Variants in DCAF8 observed in about 807,000 individuals in gnomAD.
DCAF8 encodes the protein DDB1 and CUL4 associated factor 8, also known as DDB1- and CUL4-associated factor 8.
In DCAF8, 20 loss-of-function variants were observed where a neutral mutation model predicts 68.0. The ratio of observed to expected loss-of-function variants is 0.29; its 90% CI spans 0.21 to 0.43. The LOEUF is 0.43. DCAF8 is among the 20% of genes least tolerant of loss of function. DCAF8 has a pLI of 1.00. For missense variants in DCAF8, 460 were observed against 771.0 expected, an observed-to-expected ratio of 0.60 and a Z score of 4.78; for synonymous variants, 230 against 276.9, an observed-to-expected ratio of 0.83 and a Z score of 1.68.
At chr1:160,244,710 C>T (rs1294840802) in intron 2 of DCAF8, among the ~76,000 whole-genome samples, 1 of 151,888 alleles carries the variant, frequency 6.6e-6, no homozygotes. Context: ...CTCTGCCTCC[C>T]GGGTTCACAC....
At chr1:160,249,182 T>G (rs933160005) in intron 2 of DCAF8, among the ~76,000 whole-genome samples, 1 of 152,042 alleles carries the variant, frequency 6.6e-6, no homozygotes, top group Non-Finnish European at 1.5e-5. Flanking sequence ...CAGAGGAGAC[T>G]CCATCTCAAA....
intron 10 of DCAF8, among the ~76,000 whole-genome samples, chr1:160,223,200 A>G (rs1246234750): frequency 6.6e-6 from 1 of 152,218 alleles, no homozygotes. Context: ...TGATGAAGGT[A>G]TATGCCACAA....
intron 4 of DCAF8, chr1:160,239,247 T>C (rs1685237483): frequency 9.0e-7 from 1 of 1,114,934 alleles, no homozygotes; most frequent in Non-Finnish European, 1.1e-6. Flanking sequence ...GTTTATTAAG[T>C]ACCAGTCACA....
intron 2 of DCAF8, among the ~76,000 whole-genome samples, chr1:160,251,604 C>G (rs1003022693): frequency 3.3e-5 from 5 of 152,122 alleles, no homozygotes; most frequent in Admixed American, 3.3e-4. Flanking sequence ...CCTCCAGTAG[C>G]TGGGACTACA....
At chr1:160,246,154 T>TA (rs547230058) in intron 2 of DCAF8, among the ~76,000 whole-genome samples, 1 of 151,124 alleles carries the variant, frequency 6.6e-6, no homozygotes, top group Non-Finnish European at 1.5e-5. Flanking sequence ...AAAAAAAAAT[T>TA]AAAAAAAACT....
intron 2 of DCAF8, among the ~76,000 whole-genome samples, chr1:160,250,859 A>T (rs921009330): frequency 7.9e-5 from 12 of 152,022 alleles, no homozygotes; most frequent in East Asian, 3.9e-4. Flanking sequence ...TATTTTTTTT[A>T]AATTTCTCTG....
chr1:160,253,075 G>C lies in DCAF8; in HGVS notation c.-27+8210C>G, dbSNP rs533819069. ...ACAATTAGTTACCTAAGAAGGCTCT[G>C]GGAGAGGATGTTCAAGGGAAGAATC... is the stretch of plus-strand genomic sequence containing the variant. On this transcript the variant is annotated intron_variant, in intron 2 of 13. Coordinates refer to ENST00000368074, the MANE Select transcript of DCAF8 (RefSeq NM_015726.4). Among the ~76,000 whole-genome samples, 5 of 152,316 alleles carry C rather than the reference G, an allele frequency of 3.3e-5. No homozygotes were observed. In the South Asian group the frequency reaches 1.0e-3, roughly 32 times the overall value.
Position 160,262,442 on chromosome 1 carries a change from A to G in DCAF8, c.-101+7T>C, listed in dbSNP as rs925547115. 6.5e-5 allele frequency: 26 copies of G among 401,350 alleles called. No homozygotes were observed. The highest frequency in any genetic ancestry group is 6.3e-4 in the Middle Eastern group (1 of 1,598). 24.9% of individuals were successfully genotyped at this position (401,350 alleles called of 1,614,324 possible). On this transcript the variant is annotated splice_region_variant and intron_variant, in intron 1 of 13. Coordinates refer to ENST00000368074, the MANE Select transcript of DCAF8 (RefSeq NM_015726.4). Reference sequence around the variant, plus strand: ...CACTGCCACCACCAACGCCGCCGCCATCTTACACTGGCCAGCGGCCGCCAC... The same window carrying G: ...CACTGCCACCACCAACGCCGCCGCCGTCTTACACTGGCCAGCGGCCGCCAC...
intron 2 of DCAF8, among the ~76,000 whole-genome samples, chr1:160,252,811 A>C (rs1179468418): frequency 6.6e-6 from 1 of 152,234 alleles, no homozygotes; most frequent in Non-Finnish European, 1.5e-5. Context: ...GTTAAGAAGG[A>C]CAAGTTCTTA....
chr1:160,259,867 T>C (rs1346797662), intron 2 of DCAF8, among the ~76,000 whole-genome samples: 1 of 152,148 alleles, frequency 6.6e-6, no homozygotes, highest in Non-Finnish European at 1.5e-5. Flanking sequence ...GAAATATACA[T>C]ACACCAATAT....
chr1:160,239,104 A>T, intron 4 of DCAF8: 1 of 964,082 alleles, frequency 1.0e-6, no homozygotes, highest in Non-Finnish European at 1.3e-6. Context: ...ACAAAGAAAA[A>T]GGAAAATAGG....
At chr1:160,246,092 C>T (rs1489681491) in intron 2 of DCAF8, among the ~76,000 whole-genome samples, 4 of 151,884 alleles carry the variant, frequency 2.6e-5, no homozygotes, top group African/African-American at 9.7e-5. Context: ...GAGCCGAGAT[C>T]GTGCCATTGC....
chr1:160,226,372 T>A (rs759678479), intron 7 of DCAF8, among the ~76,000 whole-genome samples: 2 of 152,150 alleles, frequency 1.3e-5, no homozygotes, highest in Non-Finnish European at 2.9e-5. Context: ...CTCCCTCTCC[T>A]TTCCTCATTC....
intron 7 of DCAF8, among the ~76,000 whole-genome samples, chr1:160,227,697 T>G (rs1655526739): frequency 1.3e-5 from 2 of 152,344 alleles, no homozygotes; most frequent in African/African-American, 4.8e-5. Flanking sequence ...AACTATTGAA[T>G]TCTGCCATTG....
At chr1:160,251,840 A>G (rs1367684026) in intron 2 of DCAF8, among the ~76,000 whole-genome samples, 1 of 152,210 alleles carries the variant, frequency 6.6e-6, no homozygotes, top group Non-Finnish European at 1.5e-5. Context: ...GCTGAAACTC[A>G]TTATATAAAG....
chr1:160,234,032 C>G (rs528738953), intron 6 of DCAF8, among the ~76,000 whole-genome samples: 38 of 152,304 alleles, frequency 2.5e-4, no homozygotes, highest in African/African-American at 9.1e-4. Context: ...ATACCTCAAA[C>G]TGGCTTCCAC....
At chr1:160,230,309 G>A (rs956331369) in intron 7 of DCAF8, among the ~76,000 whole-genome samples, 3 of 152,116 alleles carry the variant, frequency 2.0e-5, no homozygotes, top group African/African-American at 7.2e-5. Flanking sequence ...TTTTTCTAGT[G>A]ATCTTGCCCC....
In DCAF8 at chr1:160,239,880, C is replaced by A. The variant is rs201747259; in HGVS notation, c.540G>T (p.Val180=). 72 of 1,614,258 alleles carry A rather than the reference C, an allele frequency of 4.5e-5. No individual in the cohort carries two copies. The highest frequency in any genetic ancestry group is 1.5e-4 in the Admixed American group (9 of 60,032). ...VYEACGARVF[V]QRFRLQHGLE... ...GCCCATGCTGCAGGCGGAAACGCTG[C>A]ACAAAGACTCTTGCCCCACAGGCCT... The change falls in exon 4 of 14, where the codon GTG becomes GTT. Residue 180 remains valine (V), a synonymous_variant. Transcript: ENST00000368074.
At position 160,217,354 on chromosome 1, in the gene DCAF8, T is replaced by G; in HGVS notation, c.*238A>C. 2.6e-6 allele frequency: 1 copy of G among 391,430 alleles called. No individual in the cohort carries two copies. Among genetic ancestry groups the G allele is most frequent in the Non-Finnish European group, 4.5e-6 (1 of 220,768 alleles). 24.2% of individuals were successfully genotyped at this position (391,430 alleles called of 1,614,324 possible). Reference sequence around the variant, plus strand: ...AAAAAGAGGCTTTGGGGAGAGGCCATTTCTGCCGAGTCCTATGCACCTCTC... The same window carrying G: ...AAAAAGAGGCTTTGGGGAGAGGCCAGTTCTGCCGAGTCCTATGCACCTCTC... On this transcript the variant is annotated 3_prime_UTR_variant, in exon 14 of 14. Coordinates refer to ENST00000368074, the MANE Select transcript of DCAF8 (RefSeq NM_015726.4).
Sources: allele counts gnomAD v4.1 joint callset (sites outside exome capture counted in the v4.1 genomes callset), GRCh38; gene constraint gnomAD v4.1.1; transcripts MANE v1.5; gene names NCBI Gene and HGNC (gene_info 2026-07-23, HGNC 2026-07-21).